ATP2B2: variants seen among roughly 807,000 people sequenced by gnomAD.
The protein encoded by ATP2B2 is plasma membrane calcium-transporting ATPase 2.
In ATP2B2, 15 loss-of-function variants were observed where a neutral mutation model predicts 120.0. That is an observed-to-expected ratio of 0.12 (90% CI 0.08 to 0.19). The LOEUF is 0.19. Among genes scored for constraint, ATP2B2 ranks in the 10% least tolerant of loss-of-function variants. The pLI is 1.00. For missense variants in ATP2B2, 1,045 were observed against 1,719.8 expected (o/e 0.61, Z 6.94); for synonymous variants, 694 against 700.3 (o/e 0.99, Z 0.14).
intron 1 of ATP2B2, among the ~76,000 whole-genome samples, chr3:10,632,631 G>A (rs2069898448): frequency 6.6e-6 from 1 of 152,214 alleles, no homozygotes; most frequent in South Asian, 2.1e-4. Flanking sequence ...ATCGAGCTCT[G>A]GCCTTGCCAC....
intron 3 of ATP2B2, among the ~76,000 whole-genome samples, chr3:10,404,279 C>T (rs2062334458): frequency 6.6e-6 from 1 of 152,250 alleles, no homozygotes; most frequent in Non-Finnish European, 1.5e-5. Context: ...CACCTTTCTC[C>T]CCATCTTGGG....
chr3:10,385,316 C>T lies in ATP2B2; in HGVS notation c.952G>A (p.Ala318Thr). The change falls in exon 8 of 23, where the codon GCG becomes ACG. Residue 318 changes from alanine (A) to threonine (T), a missense_variant. Ala to Thr is a moderately conservative substitution (Grantham distance 58, BLOSUM62 0). Around this residue, in one of 11 missense-constraint regions of ATP2B2, gnomAD observed 145 missense variants for 202.0 expected, o/e 0.72. Transcript: ENST00000360273. ...DGLQLPAADG[A>T]AASNAADSAN... ...CTATCTGCAGCATTTGAAGCTGCCGCACCGTCTGCTGCTGCAGGGGGGTGG... is the reference window on the plus strand; with the variant it reads ...CTATCTGCAGCATTTGAAGCTGCCGTACCGTCTGCTGCTGCAGGGGGGTGG... 2 of 1,613,854 alleles carry T rather than the reference C, an allele frequency of 1.2e-6. No individual in the cohort carries two copies. Among genetic ancestry groups the T allele is most frequent in the East Asian group, 2.2e-5 (1 of 44,876 alleles).
At chr3:10,616,028 T>G (rs894509411) in intron 2 of ATP2B2, among the ~76,000 whole-genome samples, 2 of 152,144 alleles carry the variant, frequency 1.3e-5, no homozygotes, top group African/African-American at 4.8e-5. Flanking sequence ...TTATTAAGGA[T>G]GGAGACATGA....
upstream of ATP2B2, among the ~76,000 whole-genome samples, chr3:10,507,125 C>T (rs1271584627): frequency 5.3e-5 from 8 of 152,026 alleles, no homozygotes; most frequent in Non-Finnish European, 8.8e-5. Flanking sequence ...TGTCAAGGGC[C>T]GGGTGGTCAT....
chr3:10,507,177 G>A (rs1257677462), upstream of ATP2B2, among the ~76,000 whole-genome samples: 1 of 152,212 alleles, frequency 6.6e-6, no homozygotes, highest in Admixed American at 6.5e-5. Context: ...GTGAGTCAGA[G>A]GCCAGGCAAG....
intron 2 of ATP2B2, among the ~76,000 whole-genome samples, chr3:10,411,107 G>C (rs999641123): frequency 6.6e-6 from 1 of 152,172 alleles, no homozygotes; most frequent in African/African-American, 2.4e-5. Flanking sequence ...TTAAGTTAAG[G>C]ATATCACGAT....
At chr3:10,509,634 G>C (rs754667769), upstream of ATP2B2, among the ~76,000 whole-genome samples, 2 of 152,332 alleles carry the variant, frequency 1.3e-5, no homozygotes, top group Non-Finnish European at 2.9e-5. Flanking sequence ...ACCCAAGTTT[G>C]AAGCACACAA....
chr3:10,497,056 ACCTTGGGCAG>A (rs1301366918), intron 1 of ATP2B2, among the ~76,000 whole-genome samples: 7 of 152,204 alleles, frequency 4.6e-5, no homozygotes, highest in Non-Finnish European at 1.0e-4. Context: ...GGCTCTGCTG[ACCTTGGGCAG>A]CTGTGGGCAG....
chr3:10,456,844 T>G (rs1240482107), intron 1 of ATP2B2, among the ~76,000 whole-genome samples: 1 of 152,144 alleles, frequency 6.6e-6, no homozygotes, highest in Non-Finnish European at 1.5e-5. Flanking sequence ...ATTCTGGCCT[T>G]TCTGTAGGGG....
intron 1 of ATP2B2, among the ~76,000 whole-genome samples, chr3:10,494,094 C>T (rs527237770): frequency 1.3e-5 from 2 of 152,226 alleles, no homozygotes; most frequent in African/African-American, 4.8e-5. Context: ...CAACGGGGAG[C>T]ACTGAAGACT....
intron 1 of ATP2B2, among the ~76,000 whole-genome samples, chr3:10,649,862 TACC>T (rs1319413791): frequency 6.6e-6 from 1 of 152,238 alleles, no homozygotes; most frequent in Non-Finnish European, 1.5e-5. Context: ...TTCTCCTGTG[TACC>T]ACCATGTGAG....
intron 1 of ATP2B2, among the ~76,000 whole-genome samples, chr3:10,474,035 G>A (rs6774902): frequency 0.082 from 12,439 of 152,292 alleles, 832 homozygotes; most frequent in African/African-American, 0.18. Context: ...AGAGCAGGGA[G>A]GAAGTGAGGT....
At chr3:10,437,322 T>A (rs2063508956) in intron 2 of ATP2B2, among the ~76,000 whole-genome samples, 1 of 152,234 alleles carries the variant, frequency 6.6e-6, no homozygotes, top group African/African-American at 2.4e-5. Context: ...TCCTGGGCAG[T>A]GCTAAGTGTG....
At chr3:10,555,813 G>A (rs1389871966) in intron 2 of ATP2B2, among the ~76,000 whole-genome samples, 1 of 152,196 alleles carries the variant, frequency 6.6e-6, no homozygotes, top group Non-Finnish European at 1.5e-5. Flanking sequence ...TATCATCCCA[G>A]ATGCCTGCAT....
intron 3 of ATP2B2, among the ~76,000 whole-genome samples, chr3:10,526,461 A>G (rs2067094559): frequency 6.6e-6 from 1 of 152,112 alleles, no homozygotes; most frequent in African/African-American, 2.4e-5. Flanking sequence ...CCGCCCCCTC[A>G]GAGATTTCCC....
intron 3 of ATP2B2, among the ~76,000 whole-genome samples, chr3:10,511,056 C>G (rs781079630): frequency 2.0e-5 from 3 of 152,176 alleles, no homozygotes; most frequent in African/African-American, 7.2e-5. Flanking sequence ...CCACTCCAGA[C>G]TGCTCCCATT....
At chr3:10,568,535 T>A (rs2068058113) in intron 2 of ATP2B2, among the ~76,000 whole-genome samples, 1 of 152,226 alleles carries the variant, frequency 6.6e-6, no homozygotes, top group Non-Finnish European at 1.5e-5. Context: ...AGGGGGAAGC[T>A]TGCTTCCTGC....
chr3:10,444,190 C>T (rs1483137800), intron 2 of ATP2B2, among the ~76,000 whole-genome samples: 1 of 152,208 alleles, frequency 6.6e-6, no homozygotes, highest in Non-Finnish European at 1.5e-5. Context: ...CAGTGAATTC[C>T]CCATGCCGAC....
chr3:10,685,532 G>A (rs936604583), intron 1 of ATP2B2, among the ~76,000 whole-genome samples: 3 of 152,166 alleles, frequency 2.0e-5, no homozygotes, highest in African/African-American at 4.8e-5. Flanking sequence ...GTATGTGTGT[G>A]TGTGTGTGTG....
Sources: allele counts gnomAD v4.1 joint callset (sites outside exome capture counted in the v4.1 genomes callset), GRCh38; gene constraint gnomAD v4.1.1; regional missense constraint gnomAD v4.1.1; transcripts MANE v1.5; gene names NCBI Gene and HGNC (gene_info 2026-07-23, HGNC 2026-07-21).